The following DHRSX variants were observed in gnomAD, a reference collection of about 807,000 sequenced individuals.
The protein encoded by DHRSX is polyprenol dehydrogenase.
In DHRSX, 31 loss-of-function variants were observed where a neutral mutation model predicts 34.0. The observed-to-expected ratio is 0.91, with a 90% CI of 0.69 to 1.23. DHRSX has a LOEUF of 1.23. DHRSX is among the 50% of genes most tolerant of loss of function. The pLI, the probability that DHRSX is intolerant of heterozygous loss-of-function variation, is 0.00. For synonymous variants in DHRSX, 201 were observed against 183.8 expected (o/e 1.09, Z -0.76); for missense variants, 414 against 428.1 (o/e 0.97, Z 0.29).
intron 3 of DHRSX, among the ~76,000 whole-genome samples, chrX:2,321,457 T>C (rs936992363): frequency 6.6e-6 from 1 of 152,052 alleles, no homozygotes; most frequent in African/African-American, 2.4e-5. Flanking sequence ...GGATGGTATT[T>C]GGAGACGGAG....
intron 6 of DHRSX, among the ~76,000 whole-genome samples, chrX:2,235,002 T>G (rs992319088): frequency 6.6e-6 from 1 of 152,196 alleles, no homozygotes; most frequent in Non-Finnish European, 1.5e-5. Context: ...TGATCCACCA[T>G]GCCCAGCCTG....
intron 1 of DHRSX, among the ~76,000 whole-genome samples, chrX:2,493,558 A>G (rs1310658471): frequency 2.0e-5 from 3 of 151,900 alleles, no homozygotes; most frequent in African/African-American, 7.3e-5. Flanking sequence ...TTTTATTATT[A>G]TGAAGATTAG....
At chrX:2,390,660 A>C (rs1410534248) in intron 3 of DHRSX, among the ~76,000 whole-genome samples, 4 of 152,016 alleles carry the variant, frequency 2.6e-5, no homozygotes, top group Admixed American at 1.3e-4. Flanking sequence ...AACCCCTATA[A>C]CTACCCCATT....
intron 3 of DHRSX, among the ~76,000 whole-genome samples, chrX:2,406,795 G>A: frequency 6.6e-6 from 1 of 152,226 alleles, no homozygotes; most frequent in Non-Finnish European, 1.5e-5. Flanking sequence ...AGAGAAAAGG[G>A]GGCCCTTGTA....
intron 1 of DHRSX, among the ~76,000 whole-genome samples, chrX:2,443,377 C>G (rs1373505062): frequency 6.6e-6 from 1 of 151,924 alleles, no homozygotes; most frequent in East Asian, 1.9e-4. Flanking sequence ...GGGCAGATAT[C>G]CTAAGATTCT....
chrX:2,495,061 A>G (rs1281304818), intron 1 of DHRSX, among the ~76,000 whole-genome samples: 2 of 151,032 alleles, frequency 1.3e-5, no homozygotes, highest in Non-Finnish European at 2.9e-5. Flanking sequence ...TATTATTATT[A>G]TTGTTATTAT....
At chrX:2,358,556 A>G (rs912781970) in intron 3 of DHRSX, among the ~76,000 whole-genome samples, 10 of 152,222 alleles carry the variant, frequency 6.6e-5, no homozygotes, top group Middle Eastern at 3.4e-3. Context: ...AAAATTAGCC[A>G]GGCATGGTGG....
intron 3 of DHRSX, among the ~76,000 whole-genome samples, chrX:2,385,371 G>C (rs778244317): frequency 6.6e-6 from 1 of 152,134 alleles, no homozygotes; most frequent in East Asian, 1.9e-4. Context: ...TGGTTTATGA[G>C]AGAACCACCA....
At chrX:2,499,607 C>CA (rs2045362707) in intron 1 of DHRSX, among the ~76,000 whole-genome samples, 2 of 151,396 alleles carry the variant, frequency 1.3e-5, no homozygotes, top group Admixed American at 1.3e-4. Context: ...GCCATCTCTA[C>CA]AAAAAATTTA....
At chrX:2,450,176 C>G (rs181978548) in intron 1 of DHRSX, among the ~76,000 whole-genome samples, 7 of 151,500 alleles carry the variant, frequency 4.6e-5, no homozygotes, top group African/African-American at 7.3e-5. Flanking sequence ...AAATAAAACA[C>G]AGTAGAGCAG....
At chrX:2,330,772 G>A (rs1352584758) in intron 3 of DHRSX, among the ~76,000 whole-genome samples, 1 of 151,506 alleles carries the variant, frequency 6.6e-6, no homozygotes, top group South Asian at 2.1e-4. Context: ...AGAAGACAGG[G>A]AGAGAGAATA....
Position 2,424,866 on chromosome X carries a change from G to A in DHRSX, c.217+331C>T, listed in dbSNP as rs185413176. ...TAAGACACAACTAACTCTGCCAGGCGCAGTGGCTCACACCTGTAATCCTAG... is the reference window on the plus strand; with the variant it reads ...TAAGACACAACTAACTCTGCCAGGCACAGTGGCTCACACCTGTAATCCTAG... On this transcript the variant is annotated intron_variant, in intron 2 of 6. Transcript: ENST00000334651. Among the ~76,000 whole-genome samples, 4 of 152,186 alleles carry A rather than the reference G, an allele frequency of 2.6e-5. 1 individual carries two copies. The highest frequency in any genetic ancestry group is 9.6e-5 in the African/African-American group (4 of 41,528).
At chrX:2,372,712 G>A (rs1258611400) in intron 3 of DHRSX, among the ~76,000 whole-genome samples, 1 of 151,536 alleles carries the variant, frequency 6.6e-6, no homozygotes, top group Non-Finnish European at 1.5e-5. Context: ...GGGTTCAAGC[G>A]ATGCTCCTGC....
At chrX:2,466,024 C>T (rs1413244843) in intron 1 of DHRSX, among the ~76,000 whole-genome samples, 1 of 152,148 alleles carries the variant, frequency 6.6e-6, no homozygotes, top group Non-Finnish European at 1.5e-5. Context: ...CTTTTATGCA[C>T]ATTGTTACAT....
chrX:2,250,794 C>G (rs1302593869), intron 5 of DHRSX, among the ~76,000 whole-genome samples: 3 of 152,130 alleles, frequency 2.0e-5, no homozygotes, highest in African/African-American at 7.2e-5. Context: ...GTCTCAGCCT[C>G]ATGTTACGCA....
At position 2,478,355 on chromosome X, in the gene DHRSX, A is replaced by G. The variant is rs373166775; in HGVS notation, c.109+22462T>C. 7.5e-3 allele frequency among the ~76,000 whole-genome samples: 1,149 copies of G among 152,208 alleles called. 18 individuals are homozygous for G. Among genetic ancestry groups the G allele is most frequent in the African/African-American group, 0.025 (1,030 of 41,518 alleles). ...CAAAAGCAGCTTACAGGGTGGAAAG[A>G]ACACAGACACAGACACTCAGAAGAA... On this transcript the variant is annotated intron_variant, in intron 1 of 6. Coordinates refer to ENST00000334651, the MANE Select transcript of DHRSX (RefSeq NM_145177.3).
rs181192305 is a variant in DHRSX, at chrX:2,358,312, A to T, written c.286+50433T>A. Among the ~76,000 whole-genome samples, 69 of 152,328 alleles carry T rather than the reference A, an allele frequency of 4.5e-4. No individual in the cohort carries two copies. In the East Asian group the frequency reaches 0.012, roughly 27 times the overall value. On this transcript the variant is annotated intron_variant, in intron 3 of 6. Coordinates refer to ENST00000334651, the MANE Select transcript of DHRSX (RefSeq NM_145177.3). The stretch of plus-strand genomic sequence containing the variant: ...GGAACTTAAACAAATTTACAAAACA[A>T]AACAAAAATAAAAACAAAAAAAATC...
intron 3 of DHRSX, among the ~76,000 whole-genome samples, chrX:2,303,639 G>A (rs2042041307): frequency 6.6e-6 from 1 of 152,096 alleles, no homozygotes; most frequent in African/African-American, 2.4e-5. Flanking sequence ...CTTCTTTATA[G>A]CAATGCAAGA....
chrX:2,233,727 T>C (rs967834482), intron 6 of DHRSX, among the ~76,000 whole-genome samples: 3 of 151,180 alleles, frequency 2.0e-5, no homozygotes, highest in Admixed American at 6.6e-5. Flanking sequence ...GAGCTTCCAA[T>C]AGACATGGGC....
Sources: gnomAD v4.1 joint callset for allele counts (sites outside exome capture counted in the v4.1 genomes callset) on GRCh38, gnomAD v4.1.1 for gene constraint, MANE v1.5 for transcripts, NCBI Gene and HGNC (gene_info 2026-07-23, HGNC 2026-07-21) for gene names.